KANSL1: variants seen among roughly 807,000 people sequenced by gnomAD.
The protein encoded by KANSL1 is KAT8 regulatory NSL complex subunit 1.
Under a neutral mutation model 103.6 loss-of-function variants are expected in KANSL1, and 22 were observed. The observed-to-expected ratio is 0.21, with a 90% CI of 0.15 to 0.30. The LOEUF is 0.30. Among genes scored for constraint, KANSL1 ranks in the 10% least tolerant of loss-of-function variants. KANSL1 has a pLI of 1.00. For missense variants in KANSL1, 1,337 were observed against 1,399.8 expected, an observed-to-expected ratio of 0.96 and a Z score of 0.72; for synonymous variants, 600 against 527.6, an observed-to-expected ratio of 1.14 and a Z score of -1.88.
intron 2 of KANSL1, among the ~76,000 whole-genome samples, chr17:46,146,310 C>T (rs2147423588): frequency 6.6e-6 from 1 of 152,338 alleles, no homozygotes; most frequent in African/African-American, 2.4e-5. Context: ...GGCAAGCCAT[C>T]TTATCAGCTC....
At chr17:46,199,164 G>A (rs2047711966) in intron 1 of KANSL1, among the ~76,000 whole-genome samples, 1 of 152,240 alleles carries the variant, frequency 6.6e-6, no homozygotes, top group African/African-American at 2.4e-5. Context: ...GTGTGAAAAT[G>A]AGGCCAACAG....
chr17:46,153,872 A>C (rs907344455), intron 2 of KANSL1, among the ~76,000 whole-genome samples: 1 of 152,242 alleles, frequency 6.6e-6, no homozygotes, highest in Non-Finnish European at 1.5e-5. Flanking sequence ...AAAGAGTGAA[A>C]AAGTTGAACA....
chr17:46,213,288 T>TTTGTTG (rs138336096), intron 1 of KANSL1, among the ~76,000 whole-genome samples: 19 of 151,202 alleles, frequency 1.3e-4, no homozygotes, highest in Non-Finnish European at 1.9e-4. Flanking sequence ...TTATTTGTTT[T>TTTGTTG]TTGTTGTTGT....
chr17:46,197,068 C>A (rs1227930214), upstream of KANSL1, among the ~76,000 whole-genome samples: 4 of 152,104 alleles, frequency 2.6e-5, no homozygotes, highest in African/African-American at 9.7e-5. Context: ...GAACCATGAT[C>A]ACGCCACTGC....
intron 2 of KANSL1, among the ~76,000 whole-genome samples, chr17:46,142,823 G>A (rs923171926): frequency 6.6e-6 from 1 of 152,190 alleles, no homozygotes; most frequent in Non-Finnish European, 1.5e-5. Flanking sequence ...CTTTTGGAAA[G>A]CAACCTAACA....
chr17:46,113,441 T>G (rs891489366), intron 2 of KANSL1, among the ~76,000 whole-genome samples: 8 of 152,174 alleles, frequency 5.3e-5, no homozygotes, highest in Non-Finnish European at 1.0e-4. Context: ...AACAGAAAAC[T>G]AAGAGTATGC....
At chr17:46,195,422 G>T (rs2047573540), upstream of KANSL1, among the ~76,000 whole-genome samples, 1 of 152,238 alleles carries the variant, frequency 6.6e-6, no homozygotes, top group South Asian at 2.1e-4. Flanking sequence ...CCATGTATTT[G>T]GGGGAACTAT....
chr17:46,038,556 C>G lies in KANSL1; in HGVS notation c.2523G>C (p.Gln841His), dbSNP rs2077218805. Residue 841 changes from glutamine to histidine, a missense_variant, in exon 10 of 15, where the codon CAG (glutamine) becomes CAC (histidine). Physicochemically the swap from Gln to His is conservative, Grantham distance 24. This residue lies in a region of KANSL1 where 780 missense variants were observed against 923.4 expected (regional missense o/e 0.84). Coordinates refer to ENST00000432791, the MANE Select transcript of KANSL1 (RefSeq NM_015443.4). ...DSPAPASSSS[Q>H]VTASTSQQPV... ...TACTTACCGATGTGCTGGCTGTAACCTGTGAGCTAGAGCTGGCGGGTGCAG... is the reference window on the plus strand; with the variant it reads ...TACTTACCGATGTGCTGGCTGTAACGTGTGAGCTAGAGCTGGCGGGTGCAG... 1 of 1,613,954 alleles carries G rather than the reference C, an allele frequency of 6.2e-7. No individual in the cohort carries two copies.
intron 2 of KANSL1, among the ~76,000 whole-genome samples, chr17:46,136,078 T>A (rs377683548): frequency 2.6e-5 from 4 of 152,194 alleles, no homozygotes; most frequent in Non-Finnish European, 2.9e-5. Flanking sequence ...AATTCTGATA[T>A]GCACTAGGCT....
chr17:46,049,871 G>C (rs1013278258), intron 7 of KANSL1: 1 of 152,094 alleles, frequency 6.6e-6, no homozygotes. Context: ...TATTCTCCTA[G>C]AACACTGCCG....
At chr17:46,165,518 AT>A (rs146103384) in intron 2 of KANSL1, among the ~76,000 whole-genome samples, 5 of 143,158 alleles carry the variant, frequency 3.5e-5, no homozygotes, top group African/African-American at 8.0e-5. Context: ...AGGTATTTTT[AT>A]TTTTTTTTTG....
chr17:46,158,849 T>C (rs2045578718), intron 2 of KANSL1, among the ~76,000 whole-genome samples: 2 of 152,210 alleles, frequency 1.3e-5, no homozygotes. Flanking sequence ...CCAAGAGACT[T>C]ATTTCTGAAG....
chr17:46,058,807 A>G (rs2078038706), intron 6 of KANSL1, among the ~76,000 whole-genome samples: 1 of 151,296 alleles, frequency 6.6e-6, no homozygotes, highest in African/African-American at 2.4e-5. Context: ...CATAAGAAAA[A>G]TGCTGACATA....
intron 2 of KANSL1, among the ~76,000 whole-genome samples, chr17:46,119,317 CT>C (rs1436433007): frequency 4.3e-5 from 4 of 92,430 alleles, no homozygotes; most frequent in Non-Finnish European, 6.4e-5. Context: ...CCTCAATTTT[CT>C]TTTTCTTTTT....
At chr17:46,076,370 C>T (rs1183178229) in intron 4 of KANSL1, among the ~76,000 whole-genome samples, 1 of 151,924 alleles carries the variant, frequency 6.6e-6, no homozygotes, top group East Asian at 1.9e-4. Context: ...GTGGCACACG[C>T]CTGTAATCCC....
At chr17:46,135,085 C>G (rs2044059010) in intron 2 of KANSL1, among the ~76,000 whole-genome samples, 1 of 152,020 alleles carries the variant, frequency 6.6e-6, no homozygotes, top group African/African-American at 2.4e-5. Flanking sequence ...TGCTTAATTT[C>G]TACTCTTTTG....
chr17:46,179,914 A>C (rs889731691), intron 1 of KANSL1, among the ~76,000 whole-genome samples: 13 of 151,842 alleles, frequency 8.6e-5, no homozygotes, highest in Non-Finnish European at 1.6e-4. Flanking sequence ...ATTACCAAAA[A>C]TTAGCCGGGT....
chr17:46,094,240 G>GCA (rs2146943335), intron 3 of KANSL1: 1 of 287,740 alleles, frequency 3.5e-6, no homozygotes, highest in East Asian at 1.3e-4. Flanking sequence ...GGGACTACAG[G>GCA]CACATGCTAT....
chr17:46,121,514 A>G (rs950456052), intron 2 of KANSL1, among the ~76,000 whole-genome samples: 1 of 152,006 alleles, frequency 6.6e-6, no homozygotes, highest in African/African-American at 2.4e-5. Context: ...CCTGACACAA[A>G]TATCACTTTC....
Sources: gnomAD v4.1 joint callset for allele counts (sites outside exome capture counted in the v4.1 genomes callset) on GRCh38, gnomAD v4.1.1 for gene constraint, gnomAD v4.1.1 regional missense constraint, MANE v1.5 for transcripts, NCBI Gene and HGNC (gene_info 2026-07-23, HGNC 2026-07-21) for gene names.